SPECC1: variants seen among roughly 807,000 people sequenced by gnomAD.
SPECC1 encodes the protein sperm antigen with calponin homology and coiled-coil domains 1, also known as cytospin-B.
In SPECC1, 62 loss-of-function variants were observed where a neutral mutation model predicts 104.1. The ratio of observed to expected loss-of-function variants is 0.60; its 90% CI spans 0.49 to 0.74. The LOEUF (loss-of-function observed/expected upper bound fraction) is 0.74. SPECC1 is among the 30% of genes least tolerant of loss of function. The pLI, the probability that SPECC1 is intolerant of heterozygous loss-of-function variation, is 0.00. For missense variants in SPECC1, 1,306 were observed against 1,310.5 expected, an observed-to-expected ratio of 1.00 and a Z score of 0.05; for synonymous variants, 513 against 501.6, an observed-to-expected ratio of 1.02 and a Z score of -0.30.
At chr17:20,096,463 A>G (rs539496141) in intron 1 of SPECC1, among the ~76,000 whole-genome samples, 168 bp from the exon 2 acceptor site, 1 of 152,228 alleles carries the variant, frequency 6.6e-6, no homozygotes, top group Non-Finnish European at 1.5e-5. Context: ...TTAGCCTAGT[A>G]TAAAGCCTAT....
At chr17:20,127,962 GT>G (rs895525637) in intron 3 of SPECC1, among the ~76,000 whole-genome samples, 24 of 152,090 alleles carry the variant, frequency 1.6e-4, no homozygotes, top group Non-Finnish European at 1.5e-5. Flanking sequence ...TGACGATTCT[GT>G]AATGTGCCCT....
At chr17:20,164,188 TA>T (rs1305608432) in intron 3 of SPECC1, among the ~76,000 whole-genome samples, 2 of 150,788 alleles carry the variant, frequency 1.3e-5, no homozygotes, top group East Asian at 3.9e-4. Context: ...TTTTTTTTTT[TA>T]AAGAGACAAA....
rs546654072 is a variant in SPECC1 at position 20,257,454 on chromosome 17, T to C, written c.2684T>C (p.Ile895Thr). The C allele has an allele frequency of 2.7e-5, 43 of 1,570,920 alleles. No homozygotes were observed. Among genetic ancestry groups the C allele is most frequent in the Non-Finnish European group, 3.4e-5 (40 of 1,164,988 alleles). ...LDLPDLPLSD[I>T]LKGRTETLKP... ...GATTATGTGGTTGTTCCCACAGATA[T>C]TCTAAAGGGAAGGACTGAGACCCTG... Residue 895 changes from isoleucine (I) to threonine (T), a missense_variant, in exon 11 of 15, where the codon ATT becomes ACT. Ile to Thr is a moderately conservative substitution (Grantham distance 89). This residue lies in a region of SPECC1 where 1,177 missense variants were observed against 1,139.9 expected (regional missense o/e 1.03). Coordinates refer to ENST00000395527, the MANE Select transcript of SPECC1 (RefSeq NM_001243439.2).
intron 3 of SPECC1, among the ~76,000 whole-genome samples, chr17:20,165,585 G>A (rs2033579773): frequency 6.6e-6 from 1 of 152,216 alleles, no homozygotes. Context: ...TAATGGAATT[G>A]CTGAGTCAAA....
chr17:20,082,946 G>T (rs756730430), intron 1 of SPECC1, among the ~76,000 whole-genome samples: 2 of 151,186 alleles, frequency 1.3e-5, no homozygotes, highest in Non-Finnish European at 2.9e-5. Flanking sequence ...ACTGGTTGCT[G>T]TGTCCTTTGG....
chr17:20,062,775 G>A (rs1161404393), intron 1 of SPECC1, among the ~76,000 whole-genome samples: 5 of 148,730 alleles, frequency 3.4e-5, no homozygotes, highest in Non-Finnish European at 7.4e-5. Context: ...TGCAACCTCT[G>A]CCACCTGGGT....
chr17:20,136,145 G>A (rs2029934547), intron 3 of SPECC1, among the ~76,000 whole-genome samples: 1 of 152,016 alleles, frequency 6.6e-6, no homozygotes. Flanking sequence ...CACTGGGCGC[G>A]GTGGCTCACA....
rs370359947 is a variant in SPECC1, at chr17:20,280,906, T to C, written c.2941-16055T>C. 3.5e-4 allele frequency among the ~76,000 whole-genome samples: 54 copies of C among 152,364 alleles called. 1 individual carries two copies. The highest frequency in any genetic ancestry group is 1.2e-3 in the African/African-American group (51 of 41,582). ...ACTGTTTATTTCAGAACCACTAATT[T>C]AATCTAGCCACTTCATTTGAGAGAT... On this transcript the variant is annotated intron_variant, in intron 12 of 14. Transcript: ENST00000395527.
intron 12 of SPECC1, among the ~76,000 whole-genome samples, chr17:20,288,815 A>C (rs1299122918): frequency 8.5e-6 from 1 of 117,806 alleles, no homozygotes; most frequent in African/African-American, 3.4e-5. Context: ...ACGGAGTCTC[A>C]CTCTGTTGCC....
At chr17:20,132,809 G>A (rs767844462) in intron 3 of SPECC1, among the ~76,000 whole-genome samples, 2 of 151,604 alleles carry the variant, frequency 1.3e-5, no homozygotes, top group South Asian at 2.1e-4. Flanking sequence ...GCGTGATCTC[G>A]GCTCACTGCA....
At position 20,169,757 on chromosome 17, in the gene SPECC1, C is replaced by T. The variant is rs146965105; in HGVS notation, c.284-34576C>T. Among the ~76,000 whole-genome samples, 86 of 152,232 alleles carry T rather than the reference C, an allele frequency of 5.6e-4. 1 individual carries two copies. The highest frequency in any genetic ancestry group is 2.0e-3 in the African/African-American group (85 of 41,536). ...GCCTCAAGGGATCCTCCTGCCCTGG[C>T]CTCCCAAAATGCTGGTGTAACAGGC... On this transcript the variant is annotated intron_variant, in intron 3 of 14. Transcript: ENST00000395527.
intron 3 of SPECC1, among the ~76,000 whole-genome samples, chr17:20,119,569 T>C (rs1218289664): frequency 6.6e-6 from 1 of 152,216 alleles, no homozygotes; most frequent in Non-Finnish European, 1.5e-5. Context: ...GTCCTCAACA[T>C]TTTTGTAGCA....
chr17:20,203,326 T>C (rs1316631190), intron 3 of SPECC1, among the ~76,000 whole-genome samples: 1 of 151,146 alleles, frequency 6.6e-6, no homozygotes, highest in African/African-American at 2.4e-5. Context: ...CACTGTAACA[T>C]CTGAGGTGGG....
At position 20,240,829 on chromosome 17, in the gene SPECC1, A is replaced by G. The variant is rs571830589; in HGVS notation, c.2352-5097A>G. Among the ~76,000 whole-genome samples the G allele has an allele frequency of 2.0e-5, 3 of 152,332 alleles. No homozygotes were observed. In the East Asian group the frequency reaches 5.8e-4, roughly 29 times the overall value. ...TCCTTTCATTTAAAATTTTTATTTT[A>G]TTGAATTTTAAGGCAGACAGTATCA... On this transcript the variant is annotated intron_variant, in intron 7 of 14. Transcript: ENST00000395527.
Position 20,205,666 on chromosome 17 carries a change from G to A in SPECC1, c.1617G>A (p.Glu539=). ...NNNMMAKTLE[E]CRVTLEGLKM... ...ACATGATGGCCAAAACTTTGGAAGA[G>A]TGTAGAGTTACCTTGGAAGGGCTAA... Residue 539 remains glutamate (E), a synonymous_variant, in exon 4 of 15, where the codon GAG becomes GAA. Coordinates refer to ENST00000395527, the MANE Select transcript of SPECC1 (RefSeq NM_001243439.2). The A allele has an allele frequency of 6.2e-7, 1 of 1,614,226 alleles. No individual in the cohort carries two copies. The highest frequency in any genetic ancestry group is 8.5e-7 in the Non-Finnish European group (1 of 1,180,042).
intron 4 of SPECC1, among the ~76,000 whole-genome samples, chr17:20,211,795 T>C (rs1398190879): frequency 2.0e-5 from 3 of 152,238 alleles, no homozygotes; most frequent in Non-Finnish European, 4.4e-5. Context: ...TACCTGTGAC[T>C]CCACAGGGGG....
At chr17:20,051,590 T>C (rs1023810436) in intron 1 of SPECC1, among the ~76,000 whole-genome samples, 6 of 152,232 alleles carry the variant, frequency 3.9e-5, no homozygotes, top group Admixed American at 6.5e-5. Flanking sequence ...TTTCTTCCTT[T>C]GAATTTTTTT....
At chr17:20,283,646 G>T (rs919512934) in intron 12 of SPECC1, among the ~76,000 whole-genome samples, 2 of 152,066 alleles carry the variant, frequency 1.3e-5, no homozygotes, top group Admixed American at 6.5e-5. Context: ...GAGTGTAGTG[G>T]CACGATCTTG....
At chr17:20,020,150 G>A (rs1001179909) in intron 1 of SPECC1, among the ~76,000 whole-genome samples, 2 of 152,178 alleles carry the variant, frequency 1.3e-5, no homozygotes, top group Non-Finnish European at 2.9e-5. Context: ...ACACCACGCT[G>A]ACATTACCTG....
Sources: allele counts gnomAD v4.1 joint callset (sites outside exome capture counted in the v4.1 genomes callset), GRCh38; gene constraint gnomAD v4.1.1; regional missense constraint gnomAD v4.1.1; transcripts MANE v1.5; gene names NCBI Gene and HGNC (gene_info 2026-07-23, HGNC 2026-07-21).